Variants in CDH18 observed in about 807,000 individuals in gnomAD.
CDH18 encodes the protein cadherin-18.
Under a neutral mutation model 67.9 loss-of-function variants are expected in CDH18, and 31 were observed. The ratio of observed to expected loss-of-function variants is 0.46; its 90% confidence interval spans 0.34 to 0.62. The LOEUF is 0.62. Among genes scored for constraint, CDH18 ranks in the 20% least tolerant of loss-of-function variants. The pLI is 0.01. For missense variants in CDH18, 890 were observed against 975.5 expected, an observed-to-expected ratio of 0.91 and a Z score of 1.17; for synonymous variants, 362 against 347.2, an observed-to-expected ratio of 1.04 and a Z score of -0.48.
intron 2 of CDH18, among the ~76,000 whole-genome samples, chr5:20,088,768 A>G (rs947823407): frequency 6.6e-6 from 1 of 152,212 alleles, no homozygotes; most frequent in Middle Eastern, 3.2e-3. Flanking sequence ...GCTAACAAAT[A>G]GAATTACTCT....
intron 2 of CDH18, among the ~76,000 whole-genome samples, chr5:19,955,942 A>T (rs918250212): frequency 2.6e-4 from 40 of 152,192 alleles, no homozygotes; most frequent in Admixed American, 2.6e-3. Context: ...CTAAATTTAC[A>T]TGTAAAGTTT....
chr5:19,505,591 G>A (rs1044259604), intron 10 of CDH18, among the ~76,000 whole-genome samples: 8 of 151,672 alleles, frequency 5.3e-5, no homozygotes, highest in African/African-American at 1.9e-4. Context: ...GGTTTTTGTT[G>A]TTGGTTCTGT....
rs1380821786 is a variant in CDH18, at chr5:19,571,645, G to A, written c.1187C>T (p.Ala396Val). The A allele has an allele frequency of 6.2e-7, 1 of 1,613,694 alleles. No homozygotes were observed. The highest frequency in any genetic ancestry group is 8.5e-7 in the Non-Finnish European group (1 of 1,179,824). The part of the protein sequence containing the change: ...PSYLMEVYEN[A>V]KIGTVVGTVL... ...TGTACCAACGACGGTCCCAATCTTGGCATTTTCGTAGACTTCCATGAGGTA... is the reference window on the plus strand; with the variant it reads ...TGTACCAACGACGGTCCCAATCTTGACATTTTCGTAGACTTCCATGAGGTA... The change falls in exon 8 of 13, where the codon GCC (alanine) becomes GTC (valine). Residue 396 changes from alanine to valine, a missense_variant. Transcript: ENST00000382275.
At chr5:19,879,455 A>T (rs1376667985) in intron 2 of CDH18, among the ~76,000 whole-genome samples, 1 of 152,032 alleles carries the variant, frequency 6.6e-6, no homozygotes, top group Non-Finnish European at 1.5e-5. Flanking sequence ...TCACTGTTTA[A>T]ATCTAAGTTC....
At chr5:20,489,151 C>T (rs1329204982) in intron 1 of CDH18, among the ~76,000 whole-genome samples, 1 of 151,968 alleles carries the variant, frequency 6.6e-6, no homozygotes, top group African/African-American at 2.4e-5. Context: ...ATTCACTATA[C>T]CAGCTATTTT....
intron 1 of CDH18, among the ~76,000 whole-genome samples, chr5:20,479,973 T>A (rs1752681985): frequency 6.6e-6 from 1 of 151,832 alleles, no homozygotes; most frequent in South Asian, 2.1e-4. Flanking sequence ...AAGGAGAGAG[T>A]GGCATGACAT....
chr5:19,501,221 A>G (rs1182861709), intron 11 of CDH18, among the ~76,000 whole-genome samples: 2 of 148,062 alleles, frequency 1.4e-5, no homozygotes, highest in Non-Finnish European at 3.0e-5. Context: ...ATATAATTAC[A>G]TATATAATTA....
At chr5:19,676,549 C>T (rs1301883189) in intron 5 of CDH18, among the ~76,000 whole-genome samples, 4 of 151,900 alleles carry the variant, frequency 2.6e-5, no homozygotes, top group African/African-American at 4.8e-5. Context: ...TTAATATTAA[C>T]GTGTTAATTG....
chr5:19,766,195 G>A lies in CDH18; in HGVS notation c.229-18959C>T, dbSNP rs546355751. Among the ~76,000 whole-genome samples, 5 of 152,176 alleles carry A rather than the reference G, an allele frequency of 3.3e-5. No homozygotes were observed. In the East Asian group the frequency reaches 7.8e-4, roughly 24 times the overall value. ...TGCCCGACCCAGAACTTTTTCAATC[G>A]TAAAGTCCAAAGTATTCACTTACGA... is the stretch of plus-strand genomic sequence containing the variant. On this transcript the variant is annotated intron_variant, in intron 3 of 12. Coordinates refer to ENST00000382275, the MANE Select transcript of CDH18 (RefSeq NM_004934.5).
Position 19,721,371 on chromosome 5 carries a change from A to C in CDH18, c.619T>G (p.Tyr207Asp). The C allele has an allele frequency of 6.2e-7, 1 of 1,606,904 alleles. No individual in the cohort carries two copies. Among genetic ancestry groups the C allele is most frequent in the Non-Finnish European group, 8.5e-7 (1 of 1,174,750 alleles). Residue 207 changes from tyrosine (Y) to aspartate (D), a missense_variant, in exon 5 of 13, where the codon TAC (tyrosine) becomes GAC (aspartate). By Grantham distance (160) the Tyr-to-Asp change is radical. Coordinates refer to ENST00000382275, the MANE Select transcript of CDH18 (RefSeq NM_004934.5). Reference sequence around the variant, plus strand: ...CCTGTTTTAGGGTCGACGGAGAAGTAGGGTTGTCCTTGGAGAATGCTGTAA... The same window carrying C: ...CCTGTTTTAGGGTCGACGGAGAAGTCGGGTTGTCCTTGGAGAATGCTGTAA... ...VVYSILQGQPYFSVDPKTGVI... is the reference protein window; with the variant it reads ...VVYSILQGQPDFSVDPKTGVI...
intron 2 of CDH18, among the ~76,000 whole-genome samples, chr5:20,074,567 C>T (rs1743761069): frequency 6.6e-6 from 1 of 152,100 alleles, no homozygotes; most frequent in Admixed American, 6.5e-5. Context: ...CCAGAGAGAC[C>T]TGCAGAATAA....
chr5:19,605,684 G>A (rs1284812246), intron 6 of CDH18, among the ~76,000 whole-genome samples: 2 of 152,040 alleles, frequency 1.3e-5, no homozygotes, highest in African/African-American at 4.8e-5. Context: ...TTAATGTAGG[G>A]AACTCAGGAT....
At chr5:20,346,495 G>A (rs765984572) in intron 1 of CDH18, among the ~76,000 whole-genome samples, 2 of 152,124 alleles carry the variant, frequency 1.3e-5, no homozygotes, top group African/African-American at 2.4e-5. Context: ...CAGCCAGGAT[G>A]TACAGAAGTG....
intron 1 of CDH18, among the ~76,000 whole-genome samples, chr5:20,444,413 G>A (rs1297043007): frequency 6.6e-6 from 1 of 152,176 alleles, no homozygotes; most frequent in Non-Finnish European, 1.5e-5. Context: ...GCAGGTGCCT[G>A]TAATCCCAGC....
At chr5:20,328,536 T>C (rs1738843654) in intron 1 of CDH18, among the ~76,000 whole-genome samples, 1 of 151,540 alleles carries the variant, frequency 6.6e-6, no homozygotes, top group African/African-American at 2.4e-5. Flanking sequence ...AGAGATTATA[T>C]GTGTTGGGGA....
At chr5:20,387,253 T>C in intron 1 of CDH18, among the ~76,000 whole-genome samples, 1 of 152,168 alleles carries the variant, frequency 6.6e-6, no homozygotes, top group East Asian at 1.9e-4. Context: ...TGAGCAGTGG[T>C]TTGTAGTTCT....
chr5:20,207,098 A>T lies in CDH18; in HGVS notation c.-518+48346T>A, dbSNP rs183960793. On this transcript the variant is annotated intron_variant, in intron 2 of 14. Transcript: ENST00000507958. ...AACATGCTAATATAGAAAAAAAAAC[A>T]CTAAAGACTACCCAAAACTGTCAGA... Among the ~76,000 whole-genome samples the T allele has an allele frequency of 5.8e-4, 88 of 152,056 alleles. 1 individual carries two copies. The highest frequency in any genetic ancestry group is 1.0e-3 in the Non-Finnish European group (70 of 67,944).
At position 20,149,695 on chromosome 5, in the gene CDH18, G is replaced by A. The variant is rs188248899; in HGVS notation, c.-518+105749C>T. ...TTATTTTATGGATACTCACAAATGA[G>A]TTGGGGAAATTTGAAGGCTTAATCT... On this transcript the variant is annotated intron_variant, in intron 2 of 14. Coordinates refer to the CDH18 transcript ENST00000507958. 1.1e-4 allele frequency among the ~76,000 whole-genome samples: 16 copies of A among 152,278 alleles called. No individual in the cohort carries two copies. The East Asian group carries it at 2.7e-3, about 26-fold the overall frequency.
intron 1 of CDH18, among the ~76,000 whole-genome samples, chr5:20,474,051 T>C (rs1752272066): frequency 6.6e-6 from 1 of 152,174 alleles, no homozygotes; most frequent in East Asian, 1.9e-4. Flanking sequence ...ATATTTTATG[T>C]TCTTCTTAGT....
Sources: allele counts gnomAD v4.1 joint callset (sites outside exome capture counted in the v4.1 genomes callset), GRCh38; gene constraint gnomAD v4.1.1; transcripts MANE v1.5; gene names NCBI Gene and HGNC (gene_info 2026-07-23, HGNC 2026-07-21).